The following KAZN variants were observed in gnomAD, a reference collection of about 807,000 sequenced individuals.
KAZN encodes the protein kazrin.
KAZN carries 40 observed loss-of-function variants against 87.4 expected under a neutral mutation model. The ratio of observed to expected loss-of-function variants is 0.46; its 90% CI spans 0.36 to 0.60. The LOEUF (loss-of-function observed/expected upper bound fraction) is 0.60, where lower values mean the gene tolerates loss of function less well. Ranked by LOEUF, KAZN falls within the 20% of genes least tolerant of loss-of-function variation. KAZN has a pLI of 0.00. For synonymous variants in KAZN, 466 were observed against 458.3 expected, an observed-to-expected ratio of 1.02 and a Z score of -0.22; for missense variants, 898 against 1,073.9, an observed-to-expected ratio of 0.84 and a Z score of 2.29.
intron 1 of KAZN, among the ~76,000 whole-genome samples, chr1:14,047,727 G>A (rs1012760371): frequency 3.9e-5 from 6 of 152,082 alleles, no homozygotes; most frequent in Admixed American, 2.0e-4. Context: ...AATTAGCTGG[G>A]TGTGGTGGCA....
intron 2 of KAZN, among the ~76,000 whole-genome samples, chr1:14,300,020 A>G (rs1002782183): frequency 3.3e-5 from 5 of 152,146 alleles, no homozygotes; most frequent in African/African-American, 2.4e-5. Flanking sequence ...TGGAGCTGAC[A>G]AGAAACCAGT....
intron 2 of KAZN, among the ~76,000 whole-genome samples, chr1:15,002,101 C>T (rs1373124313): frequency 6.6e-6 from 1 of 151,950 alleles, no homozygotes; most frequent in African/African-American, 2.4e-5. Flanking sequence ...AGGATGGTCT[C>T]GATCTCCTGA....
At chr1:14,388,128 T>C (rs1282654211) in intron 2 of KAZN, among the ~76,000 whole-genome samples, 2 of 152,018 alleles carry the variant, frequency 1.3e-5, no homozygotes, top group Admixed American at 6.6e-5. Flanking sequence ...AACTCCCTGA[T>C]CCCTTGCGCT....
intron 2 of KAZN, among the ~76,000 whole-genome samples, chr1:14,299,202 C>T (rs1261311874): frequency 6.6e-6 from 1 of 152,066 alleles, no homozygotes; most frequent in Non-Finnish European, 1.5e-5. Flanking sequence ...AGAAACGAAA[C>T]AAATAAAGAA....
chr1:14,968,702 T>G, intron 2 of KAZN, among the ~76,000 whole-genome samples: 1 of 152,220 alleles, frequency 6.6e-6, no homozygotes, highest in East Asian at 1.9e-4. Flanking sequence ...TTCCTCTCCT[T>G]ACTGGAAGGA....
intron 1 of KAZN, among the ~76,000 whole-genome samples, chr1:14,082,430 T>C (rs373466206): frequency 6.6e-6 from 1 of 152,164 alleles, no homozygotes; most frequent in Non-Finnish European, 1.5e-5. Context: ...TTCCTTGTTA[T>C]TTCACAACAA....
intron 2 of KAZN, among the ~76,000 whole-genome samples, chr1:14,328,490 G>A (rs1656600819): frequency 6.6e-6 from 1 of 151,982 alleles, no homozygotes; most frequent in Non-Finnish European, 1.5e-5. Flanking sequence ...GATCATGAGG[G>A]CAGGAGATTG....
intron 2 of KAZN, among the ~76,000 whole-genome samples, chr1:14,238,287 G>A (rs761026668): frequency 8.5e-5 from 13 of 152,194 alleles, no homozygotes; most frequent in Non-Finnish European, 1.3e-4. Flanking sequence ...GCTGGGGCTG[G>A]CATCATGGAA....
chr1:14,197,100 G>A (rs1447911966), intron 2 of KAZN, among the ~76,000 whole-genome samples: 1 of 152,122 alleles, frequency 6.6e-6, no homozygotes, highest in East Asian at 1.9e-4. Context: ...GCTGGAATGA[G>A]TTCAGGAAAG....
chr1:13,935,186 G>A (rs957381954), intron 1 of KAZN, among the ~76,000 whole-genome samples: 9 of 151,620 alleles, frequency 5.9e-5, no homozygotes, highest in Non-Finnish European at 1.2e-4. Context: ...ACAGTGAGCC[G>A]AGATGGCGCC....
chr1:14,896,295 C>T (rs571055759), intron 1 of KAZN, among the ~76,000 whole-genome samples: 2 of 152,214 alleles, frequency 1.3e-5, no homozygotes, highest in South Asian at 2.1e-4. Context: ...CCTCGTGATC[C>T]GCCTGCCTCG....
chr1:14,130,996 G>A (rs1644981160), intron 1 of KAZN, among the ~76,000 whole-genome samples: 1 of 152,180 alleles, frequency 6.6e-6, no homozygotes. Flanking sequence ...GGTTTAATCG[G>A]CTCCTGGTTT....
At chr1:13,895,208 G>A (rs189572910) in intron 1 of KAZN, among the ~76,000 whole-genome samples, 2 of 152,274 alleles carry the variant, frequency 1.3e-5, no homozygotes, top group Admixed American at 1.3e-4. Flanking sequence ...CTCCTAACTT[G>A]ATTTTGGTTT....
chr1:14,410,887 T>G (rs1664252120), intron 2 of KAZN, among the ~76,000 whole-genome samples: 1 of 152,168 alleles, frequency 6.6e-6, no homozygotes, highest in African/African-American at 2.4e-5. Context: ...CCTGCCAACA[T>G]CTTGATATTA....
intron 2 of KAZN, among the ~76,000 whole-genome samples, chr1:14,506,467 G>GT (rs1275139859): frequency 6.6e-6 from 1 of 152,232 alleles, no homozygotes; most frequent in Non-Finnish European, 1.5e-5. Context: ...CATGAGAACA[G>GT]TATCATATGG....
intron 2 of KAZN, among the ~76,000 whole-genome samples, chr1:14,291,500 G>C (rs1426771298): frequency 1.3e-5 from 2 of 152,244 alleles, no homozygotes; most frequent in Non-Finnish European, 2.9e-5. Context: ...CCAGGCATGG[G>C]ACATAATCTC....
chr1:14,527,024 G>C (rs1671905346), intron 2 of KAZN, among the ~76,000 whole-genome samples: 1 of 152,134 alleles, frequency 6.6e-6, no homozygotes, highest in Non-Finnish European at 1.5e-5. Context: ...TAAAATGCTT[G>C]TGGACCAGTA....
intron 2 of KAZN, among the ~76,000 whole-genome samples, chr1:15,018,986 C>T (rs1670398800): frequency 6.6e-6 from 1 of 152,214 alleles, no homozygotes; most frequent in Non-Finnish European, 1.5e-5. Flanking sequence ...GCTGGATGTC[C>T]TGAAGGCACA....
chr1:14,627,640 G>C (rs1679244542), intron 1 of KAZN, among the ~76,000 whole-genome samples: 1 of 152,176 alleles, frequency 6.6e-6, no homozygotes, highest in Admixed American at 6.5e-5. Context: ...CCTGCCTTCT[G>C]AGGGTACCTA....
Sources: gnomAD v4.1 joint callset for allele counts (sites outside exome capture counted in the v4.1 genomes callset) on GRCh38, gnomAD v4.1.1 for gene constraint, MANE v1.5 for transcripts, NCBI Gene and HGNC (gene_info 2026-07-23, HGNC 2026-07-21) for gene names.